Variants in ATP2A3 observed in about 807,000 individuals in gnomAD.
The protein encoded by ATP2A3 is ATPase sarcoplasmic/endoplasmic reticulum Ca2+ transporting 3, also known as sarcoplasmic/endoplasmic reticulum calcium ATPase 3.
ATP2A3 carries 61 observed loss-of-function variants against 106.8 expected under a neutral mutation model. That is an observed-to-expected ratio of 0.57 (90% CI 0.46 to 0.71). The LOEUF (loss-of-function observed/expected upper bound fraction) is 0.71. ATP2A3 is among the 30% of genes least tolerant of loss of function. ATP2A3 has a pLI of 0.00. For synonymous variants in ATP2A3, 611 were observed against 609.3 expected (o/e 1.00, Z -0.04); for missense variants, 1,201 against 1,423.5 (o/e 0.84, Z 2.52).
chr17:3,932,636 C>T (rs940115699), intron 17 of ATP2A3, among the ~76,000 whole-genome samples: 4 of 152,196 alleles, frequency 2.6e-5, no homozygotes, highest in African/African-American at 9.6e-5. Context: ...GACGGGGTTT[C>T]GCCATGTTGT....
At position 3,928,362 on chromosome 17, in the gene ATP2A3, A is replaced by G; in HGVS notation, c.2980+301T>C. On this transcript the variant is annotated intron_variant, in intron 20 of 20. Coordinates refer to ENST00000397041, the MANE Select transcript of ATP2A3 (RefSeq NM_005173.4). This position sits in a 1 kb window ranked among gnomAD's most constrained non-coding sequence, Gnocchi z 6.1. ...GAGGGGTCAGAGGCTGAGGCCCAGA[A>G]GAGCACACAGTGCCCTGGCCATGTA... 1 of 1,586,838 alleles carries G rather than the reference A, an allele frequency of 6.3e-7. No homozygotes were observed. The highest frequency in any genetic ancestry group is 8.6e-7 in the Non-Finnish European group (1 of 1,158,440).
intron 20 of ATP2A3, chr17:3,927,934 C>T (rs1355770015): frequency 6.2e-7 from 1 of 1,611,144 alleles, no homozygotes. Flanking sequence ...AGCAGTCCAG[C>T]CATACGGCCA....
At position 3,925,290 on chromosome 17, in the gene ATP2A3, G is replaced by A; in HGVS notation, c.*132C>T. On this transcript the variant is annotated 3_prime_UTR_variant, in exon 21 of 21. Transcript: ENST00000397041. The surrounding 1 kb of genome is among the most constrained non-coding windows in gnomAD (Gnocchi z 4.2). The stretch of plus-strand genomic sequence containing the variant: ...CCCGGGGATGGCCATTCTGACCTCG[G>A]GCCTGTCATTTATCCGGCGGGACCC... 1 of 1,509,802 alleles carries A rather than the reference G, an allele frequency of 6.6e-7. No individual in the cohort carries two copies. Among genetic ancestry groups the A allele is most frequent in the East Asian group, 2.3e-5 (1 of 43,766 alleles). The allele number at this position is 1,509,802 out of a possible 1,614,324, so 93.5% of individuals were successfully genotyped here.
At chr17:3,940,503 A>T (rs957550647) in intron 14 of ATP2A3, among the ~76,000 whole-genome samples, 1 of 152,188 alleles carries the variant, frequency 6.6e-6, no homozygotes, top group Non-Finnish European at 1.5e-5. Flanking sequence ...GAATAAAATT[A>T]GTATTGTTAT....
At chr17:3,934,921 T>C in intron 17 of ATP2A3, 1 of 472,692 alleles carries the variant, frequency 2.1e-6, no homozygotes, top group South Asian at 2.2e-5. Context: ...AGGGGTCCCT[T>C]GACAAAGGTA....
chr17:3,935,042 G>C, intron 17 of ATP2A3, 150 bp downstream of exon 17: 1 of 849,192 alleles, frequency 1.2e-6, no homozygotes, highest in African/African-American at 1.7e-5. Context: ...TGGGCTCTGA[G>C]CTCGGCTCCC....
At chr17:3,951,545 C>CCCCCCCCCCCCCCGG in intron 4 of ATP2A3, 36 bp downstream of exon 4, 1 of 1,351,098 alleles carries the variant, frequency 7.4e-7, no homozygotes, top group Non-Finnish European at 1.0e-6. Flanking sequence ...GCTGGGAGAC[C>CCCCCCCCCCCCCCGG]GCCCCCCGCC....
Position 3,953,832 on chromosome 17 carries a change from T to C in ATP2A3, c.119-122A>G. 9.3e-7 allele frequency: 1 copy of C among 1,070,212 alleles called. No individual in the cohort carries two copies. The highest frequency in any genetic ancestry group is 1.4e-5 in the South Asian group (1 of 74,070). 66.3% of individuals were successfully genotyped at this position (1,070,212 alleles called of 1,614,324 possible). On this transcript the variant is annotated intron_variant, in intron 1 of 20. Coordinates refer to ENST00000397041, the MANE Select transcript of ATP2A3 (RefSeq NM_005173.4). The surrounding 1 kb of genome is among the most constrained non-coding windows in gnomAD (Gnocchi z 5.1). ...GCCCGCCCAGACCCCCACCACGGACTGGATGTATCCCCAGGGCTCTCTGAG... is the reference window on the plus strand; with the variant it reads ...GCCCGCCCAGACCCCCACCACGGACCGGATGTATCCCCAGGGCTCTCTGAG...
At position 3,929,412 on chromosome 17, in the gene ATP2A3, C is replaced by T. The variant is rs373409422; in HGVS notation, c.2778G>A (p.Pro926=). 15 of 1,591,636 alleles carry T rather than the reference C, an allele frequency of 9.4e-6. No homozygotes were observed. In the African/African-American group the frequency reaches 1.1e-4, roughly 11 times the overall value. ...CCAGCAGCCAGGGGTTCATCCAGGG[C>T]GGCATCCGCAGCAGCGACTGGTTCT... ...VSENQSLLRM[P]PWMNPWLLVA... The change falls in exon 19 of 21, where the codon CCG becomes CCA. Residue 926 remains proline (P), a synonymous_variant. Transcript: ENST00000397041. The surrounding 1 kb of genome is among the most constrained non-coding windows in gnomAD (Gnocchi z 4.3).
chr17:3,937,527 T>C lies in ATP2A3; in HGVS notation c.2210A>G (p.Asp737Gly), dbSNP rs1167372622. 1 of 1,614,104 alleles carries C rather than the reference T, an allele frequency of 6.2e-7. No homozygotes were observed. Among genetic ancestry groups the C allele is most frequent in the East Asian group, 2.2e-5 (1 of 44,868 alleles). The change falls in exon 15 of 21, where the codon GAT becomes GGT. Residue 737 changes from aspartate (D) to glycine (G), a missense_variant. Transcript: ENST00000397041. ...AKSAAEMVLSDDNFASIVAAV... is the reference protein window; with the variant it reads ...AKSAAEMVLSGDNFASIVAAV... Reference sequence around the variant, plus strand: ...AGCCACGATGGAGGCAAAGTTGTCATCTGACAGCACCATCTCTGCCGCCGA... The same window carrying C: ...AGCCACGATGGAGGCAAAGTTGTCACCTGACAGCACCATCTCTGCCGCCGA...
At chr17:3,944,367 G>C (rs1387054559) in intron 10 of ATP2A3, among the ~76,000 whole-genome samples, 1 of 152,186 alleles carries the variant, frequency 6.6e-6, no homozygotes, top group African/African-American at 2.4e-5. Context: ...GTCGCAGGAG[G>C]CTTTAACTGA....
chr17:3,925,228 G>T lies in ATP2A3; in HGVS notation c.*194C>A. The T allele has an allele frequency of 2.4e-6, 2 of 818,370 alleles. No homozygotes were observed. Among genetic ancestry groups the T allele is most frequent in the Non-Finnish European group, 3.9e-6 (2 of 510,894 alleles). 50.7% of individuals were successfully genotyped at this position (818,370 alleles called of 1,614,324 possible). On this transcript the variant is annotated 3_prime_UTR_variant, in exon 21 of 21. Transcript: ENST00000397041. The surrounding 1 kb of genome is among the most constrained non-coding windows in gnomAD (Gnocchi z 4.2). ...GAGACAGGAATTACAGACCTCCCAG[G>T]CCAGAAGGAAGTGGGGACAGAGACC... is the stretch of plus-strand genomic sequence containing the variant.
chr17:3,953,389 G>T lies in ATP2A3; in HGVS notation c.177C>A (p.Asp59Glu). The part of the protein sequence containing the change: ...LWELVLEQFE[D>E]LLVRILLLAA... ...CCAGCAGCAGGATGCGCACCAGGAG[G>T]TCCTCAAACTGTTCCAGCACCAGCT... The change falls in exon 3 of 21, where the codon GAC becomes GAA. Residue 59 changes from aspartate to glutamate, a missense_variant. Transcript: ENST00000397041. This position sits in a 1 kb window ranked among gnomAD's most constrained non-coding sequence, Gnocchi z 5.1. 2 of 1,614,038 alleles carry T rather than the reference G, an allele frequency of 1.2e-6. No homozygotes were observed. The highest frequency in any genetic ancestry group is 1.7e-6 in the Non-Finnish European group (2 of 1,180,014).
chr17:3,941,606 TC>T lies in ATP2A3; in HGVS notation c.1593del (p.Ser532AlafsTer6). 6.2e-7 allele frequency: 1 copy of T among 1,611,762 alleles called. No homozygotes were observed. ...GTGGGGGTCAGGGGTGCTGTGCGGC[TC>T]CCCACGCGGACTGAGCTACAGCGCT... Reference protein sequence around the residue: ...VIERCSSVRVGSRTAPLTPTS... With the variant: ...VIERCSSVRVXSRTAPLTPTS... On this transcript the variant is annotated frameshift_variant, in exon 13 of 21. Coordinates refer to ENST00000397041, the MANE Select transcript of ATP2A3 (RefSeq NM_005173.4). LOFTEE classifies it high-confidence loss of function.
Position 3,937,501 on chromosome 17 carries a change from C to G in ATP2A3, c.2236G>C (p.Ala746Pro). ...SDDNFASIVA[A>P]VEEGRAIYSN... ...TAGATGGCCCGGCCCTCCTCCACCG[C>G]AGCCACGATGGAGGCAAAGTTGTCA... is the stretch of plus-strand genomic sequence containing the variant. Residue 746 changes from alanine to proline, a missense_variant, in exon 15 of 21, where the codon GCG (alanine) becomes CCG (proline). Physicochemically the swap from Ala to Pro is conservative, Grantham distance 27. This residue lies in a region of ATP2A3 where 935 missense variants were observed against 1,176.7 expected (regional missense o/e 0.79). Coordinates refer to ENST00000397041, the MANE Select transcript of ATP2A3 (RefSeq NM_005173.4). The G allele has an allele frequency of 6.2e-7, 1 of 1,614,138 alleles. No individual in the cohort carries two copies.
intron 1 of ATP2A3, among the ~76,000 whole-genome samples, chr17:3,960,205 C>T (rs542313757): frequency 6.6e-6 from 1 of 152,364 alleles, no homozygotes; most frequent in Non-Finnish European, 1.5e-5. Flanking sequence ...CTCAGATGGC[C>T]CCCTCTTCCT....
In ATP2A3 at chr17:3,935,182, C is replaced by A; in HGVS notation, c.2610+10G>T. 6.2e-7 allele frequency: 1 copy of A among 1,613,974 alleles called. No homozygotes were observed. The highest frequency in any genetic ancestry group is 8.5e-7 in the Non-Finnish European group (1 of 1,179,942). ...AAGTTCAACAGGCTCCCTGGCCAGC[C>A]CTTGCTCACCAGCTGGTAGAAGTTG... On this transcript the variant is annotated intron_variant, in intron 17 of 20. Coordinates refer to ENST00000397041, the MANE Select transcript of ATP2A3 (RefSeq NM_005173.4).
At chr17:3,939,069 A>C (rs539588400) in intron 14 of ATP2A3, among the ~76,000 whole-genome samples, 2 of 152,224 alleles carry the variant, frequency 1.3e-5, no homozygotes, top group South Asian at 4.2e-4. Context: ...CAGGAGGCTG[A>C]GGTGGGAGGA....
chr17:3,929,578 T>G lies in ATP2A3; in HGVS notation c.2745-133A>C. On this transcript the variant is annotated intron_variant, in intron 18 of 20. Transcript: ENST00000397041. The surrounding 1 kb of genome is among the most constrained non-coding windows in gnomAD (Gnocchi z 4.3). ...TGCCCGCTCGGCCTGCCAGGGCCTG[T>G]CCCGGGCTGGGACCCCTTTCTCTGC... 1 of 760,928 alleles carries G rather than the reference T, an allele frequency of 1.3e-6. No individual in the cohort carries two copies. Among genetic ancestry groups the G allele is most frequent in the Non-Finnish European group, 2.1e-6 (1 of 468,438 alleles). The allele number at this position is 760,928 out of a possible 1,614,324, so 47.1% of individuals were successfully genotyped here.
Sources: gnomAD v4.1 joint callset for allele counts (sites outside exome capture counted in the v4.1 genomes callset) on GRCh38, gnomAD v4.1.1 for gene constraint, gnomAD v4.1.1 regional missense constraint, Gnocchi (gnomAD v3.1) non-coding constraint, MANE v1.5 for transcripts, NCBI Gene and HGNC (gene_info 2026-07-23, HGNC 2026-07-21) for gene names.